Variants in VPS35L observed in about 807,000 individuals in gnomAD.
The protein encoded by VPS35L is VPS35 endosomal protein sorting factor like, also known as VPS35 endosomal protein-sorting factor-like.
Under a neutral mutation model 133.0 loss-of-function variants are expected in VPS35L, and 83 were observed. That is an observed-to-expected ratio of 0.62 (90% CI 0.52 to 0.75). The LOEUF is 0.75. VPS35L is among the 30% of genes least tolerant of loss of function. The pLI is 0.00. For missense variants in VPS35L, 1,083 were observed against 1,206.8 expected, an observed-to-expected ratio of 0.90 and a Z score of 1.52; for synonymous variants, 423 against 449.9, an observed-to-expected ratio of 0.94 and a Z score of 0.76.
chr16:19,576,988 T>C (rs1971560981), intron 5 of VPS35L, among the ~76,000 whole-genome samples: 1 of 152,174 alleles, frequency 6.6e-6, no homozygotes, highest in South Asian at 2.1e-4. Flanking sequence ...ATTACAGGTG[T>C]GAGCTACCAC....
intron 27 of VPS35L, among the ~76,000 whole-genome samples, chr16:19,676,255 A>G (rs1975058635): frequency 6.6e-6 from 1 of 152,152 alleles, no homozygotes; most frequent in African/African-American, 2.4e-5. Flanking sequence ...TCCGACTCAA[A>G]AAACACACAC....
At chr16:19,559,124 C>T (rs1970949816) in intron 1 of VPS35L, among the ~76,000 whole-genome samples, 1 of 152,042 alleles carries the variant, frequency 6.6e-6, no homozygotes, top group African/African-American at 2.4e-5. Context: ...TTTGGTGTTT[C>T]CAGTATAAGG....
intron 19 of VPS35L, among the ~76,000 whole-genome samples, chr16:19,634,350 T>C (rs1001242510): frequency 2.1e-5 from 3 of 146,062 alleles, no homozygotes; most frequent in Non-Finnish European, 4.5e-5. Flanking sequence ...AGTAGGAGAA[T>C]CACCTTACCC....
At chr16:19,596,262 A>T (rs1972212295) in intron 8 of VPS35L, among the ~76,000 whole-genome samples, 1 of 138,668 alleles carries the variant, frequency 7.2e-6, no homozygotes, top group African/African-American at 2.9e-5. Context: ...TACATTGCTT[A>T]TGGGGGAATG....
chr16:19,593,319 A>T (rs1256998992), intron 8 of VPS35L, among the ~76,000 whole-genome samples: 3 of 152,214 alleles, frequency 2.0e-5, no homozygotes, highest in African/African-American at 7.2e-5. Context: ...GGAAGATCAG[A>T]ACAGAGACAT....
chr16:19,691,268 G>A, intron 28 of VPS35L, 85 bp from the exon 29 acceptor site: 1 of 1,074,536 alleles, frequency 9.3e-7, no homozygotes, highest in Non-Finnish European at 1.4e-6. Flanking sequence ...TGCTGACTCG[G>A]TGTGACATGA....
intron 28 of VPS35L, among the ~76,000 whole-genome samples, chr16:19,687,482 G>A (rs1975503051): frequency 6.6e-6 from 1 of 152,190 alleles, no homozygotes; most frequent in Admixed American, 6.5e-5. Context: ...GAGCCGGCTT[G>A]GAAATTCTGA....
intron 28 of VPS35L, among the ~76,000 whole-genome samples, chr16:19,686,215 C>G (rs739566): frequency 0.37 from 56,022 of 151,910 alleles, 10,596 homozygotes; most frequent in African/African-American, 0.42. Flanking sequence ...TGTTCACTTC[C>G]TCATTCTAGG....
chr16:19,573,309 C>T (rs572820617), intron 4 of VPS35L, 68 bp downstream of exon 4: 1 of 1,503,520 alleles, frequency 6.7e-7, no homozygotes, highest in Non-Finnish European at 9.1e-7. Context: ...TGTTATGTTG[C>T]TTCAACTCCT....
At chr16:19,618,915 C>T (rs538952476) in intron 14 of VPS35L, among the ~76,000 whole-genome samples, 1 of 150,538 alleles carries the variant, frequency 6.6e-6, no homozygotes, top group South Asian at 2.1e-4. Flanking sequence ...TTTTCTTTGC[C>T]TATCTGTTTT....
chr16:19,601,733 C>T lies in VPS35L; in HGVS notation c.784+10C>T. The T allele has an allele frequency of 6.2e-6, 10 of 1,613,998 alleles. No individual in the cohort carries two copies. The highest frequency in any genetic ancestry group is 7.6e-6 in the Non-Finnish European group (9 of 1,179,920). On this transcript the variant is annotated intron_variant, in intron 9 of 30. Transcript: ENST00000417362. The stretch of plus-strand genomic sequence containing the variant: ...CGCAGCGTCTTACCAGGTAATGTCG[C>T]AGCTGTTCCTGGGGTGTCATTCTGC...
At chr16:19,698,085 G>GT (rs1975978376) in intron 29 of VPS35L, among the ~76,000 whole-genome samples, 1 of 152,230 alleles carries the variant, frequency 6.6e-6, no homozygotes, top group Non-Finnish European at 1.5e-5. Flanking sequence ...TGGGGCCGGC[G>GT]TCTCTGTTCT....
intron 7 of VPS35L, among the ~76,000 whole-genome samples, chr16:19,589,217 G>A (rs1283957688): frequency 6.6e-6 from 1 of 152,090 alleles, no homozygotes; most frequent in East Asian, 1.9e-4. Context: ...ATCTTTGAAT[G>A]TATGCATTTG....
At chr16:19,593,170 T>C (rs1440656402) in intron 8 of VPS35L, among the ~76,000 whole-genome samples, 2 of 152,118 alleles carry the variant, frequency 1.3e-5, no homozygotes, top group African/African-American at 4.8e-5. Flanking sequence ...TGCTTGGCAG[T>C]GGTTGGTTAG....
In VPS35L at chr16:19,579,125, G is replaced by A. The variant is rs756112143; in HGVS notation, c.507G>A (p.Glu169=). 1.9e-6 allele frequency: 3 copies of A among 1,613,658 alleles called. No individual in the cohort carries two copies. The African/African-American group carries it at 4.0e-5, about 22-fold the overall frequency. The change falls in exon 6 of 31, where the codon GAG becomes GAA. Residue 169 remains glutamate, a synonymous_variant. Coordinates refer to ENST00000417362, the MANE Select transcript of VPS35L (RefSeq NM_020314.7). ...GGCTGGAGGAGCTGGATGACTTTGA[G>A]GAGGTGAGCAAGTCATTTGTGGAAT... The part of the protein sequence containing the change: ...RTRLEELDDF[E]EGSQKELLNL...
intron 29 of VPS35L, chr16:19,694,009 A>G (rs1338514581): frequency 6.6e-6 from 1 of 152,088 alleles, no homozygotes; most frequent in Non-Finnish European, 1.5e-5. Flanking sequence ...AATAAGTTCT[A>G]ATGTTCAATA....
intron 13 of VPS35L, 138 bp downstream of exon 13, chr16:19,616,329 C>A: frequency 1.4e-6 from 1 of 713,534 alleles, no homozygotes; most frequent in Non-Finnish European, 2.4e-6. Context: ...ACACTAGCTT[C>A]TGTTGTAGAC....
At chr16:19,619,900 T>C (rs1469805508) in intron 14 of VPS35L, among the ~76,000 whole-genome samples, 1 of 152,140 alleles carries the variant, frequency 6.6e-6, no homozygotes. Flanking sequence ...ATGGCCGCTA[T>C]GAGTCACCTG....
intron 6 of VPS35L, 124 bp downstream of exon 6, chr16:19,579,252 C>T (rs183885618): frequency 1.2e-4 from 101 of 854,812 alleles, no homozygotes; most frequent in African/African-American, 1.0e-3. Context: ...TTGGTCCTCT[C>T]GAGGCAATGA....
Sources: gnomAD v4.1 joint callset for allele counts (sites outside exome capture counted in the v4.1 genomes callset) on GRCh38, gnomAD v4.1.1 for gene constraint, MANE v1.5 for transcripts, NCBI Gene and HGNC (gene_info 2026-07-23, HGNC 2026-07-21) for gene names.